The following RUFY3 variants were observed in gnomAD, a reference collection of about 807,000 sequenced individuals.
RUFY3 encodes RUN and FYVE domain containing 3.
In RUFY3, 34 loss-of-function variants were observed where a neutral mutation model predicts 84.0. The observed-to-expected ratio is 0.40, with a 90% confidence interval of 0.31 to 0.54. The LOEUF is 0.54. Ranked by LOEUF, RUFY3 falls within the 20% of genes least tolerant of loss-of-function variation. RUFY3 has a pLI of 0.39. For synonymous variants in RUFY3, 242 were observed against 252.9 expected (o/e 0.96, Z 0.41); for missense variants, 507 against 736.8 (o/e 0.69, Z 3.61).
At chr4:70,787,018 A>G (rs147071303) in intron 10 of RUFY3, among the ~76,000 whole-genome samples, 8 of 151,414 alleles carry the variant, frequency 5.3e-5, no homozygotes, top group Admixed American at 2.0e-4. Context: ...AAAAATTACA[A>G]AATTAACCAT....
chr4:70,724,954 A>C (rs1045696947), intron 1 of RUFY3, among the ~76,000 whole-genome samples: 1 of 152,146 alleles, frequency 6.6e-6, no homozygotes, highest in African/African-American at 2.4e-5. Context: ...ACAAAATGGA[A>C]CTCCTGATGT....
intron 13 of RUFY3, among the ~76,000 whole-genome samples, chr4:70,794,211 C>T (rs751901906): frequency 5.3e-5 from 8 of 152,138 alleles, no homozygotes; most frequent in Admixed American, 2.6e-4. Context: ...ATACTTTAGG[C>T]ACTTCACATG....
intron 14 of RUFY3, among the ~76,000 whole-genome samples, chr4:70,796,660 T>C (rs1578251023): frequency 6.6e-6 from 1 of 152,352 alleles, no homozygotes; most frequent in East Asian, 1.9e-4. Flanking sequence ...CCTCTTCAAT[T>C]AGAGCATGAA....
exon 1 of RUFY3, chr4:70,705,240 C>T (rs1482311425): frequency 5.5e-6 from 8 of 1,459,024 alleles, no homozygotes; most frequent in Non-Finnish European, 2.7e-6. Context: ...GCTGCCCTTC[C>T]TGCTGCTGAG....
intron 17 of RUFY3, among the ~76,000 whole-genome samples, chr4:70,806,210 ACTAAC>A (rs1415057872): frequency 9.9e-5 from 15 of 152,196 alleles, no homozygotes; most frequent in African/African-American, 3.6e-4. Context: ...TAATTTTAAA[ACTAAC>A]CTACCTCAAA....
intron 11 of RUFY3, 73 bp downstream of exon 11, chr4:70,789,046 C>T (rs1730376405): frequency 1.3e-6 from 2 of 1,545,872 alleles, no homozygotes; most frequent in East Asian, 4.6e-5. Flanking sequence ...ATCTGATCCT[C>T]CAGAATCACA....
intron 1 of RUFY3, among the ~76,000 whole-genome samples, chr4:70,716,571 C>T (rs981045506): frequency 6.6e-6 from 1 of 151,974 alleles, no homozygotes; most frequent in South Asian, 2.1e-4. Flanking sequence ...AGGCCAGGTG[C>T]GGTGGCTCAT....
intron 4 of RUFY3, 25 bp from the exon 5 acceptor site, chr4:70,768,513 G>A: frequency 6.2e-7 from 1 of 1,604,022 alleles, no homozygotes; most frequent in Non-Finnish European, 8.5e-7. Flanking sequence ...GTTACAATAA[G>A]GAATTCTGTG....
In RUFY3 at chr4:70,764,530, C is replaced by G; in HGVS notation, c.526C>G (p.Leu176Val). ...WLRLALMQKK[L>V]SEYMKALINK... ...TCGTTTGGCATTAATGCAAAAGAAA[C>G]TTTCAGAATATATGAAAGCTTTGAT... Residue 176 changes from leucine to valine, a missense_variant, in exon 4 of 18, where the codon CTT (leucine) becomes GTT (valine). Leu to Val is a conservative substitution (Grantham distance 32, BLOSUM62 1). Coordinates refer to ENST00000381006, the MANE Select transcript of RUFY3 (RefSeq NM_001037442.4). 6.2e-7 allele frequency: 1 copy of G among 1,613,708 alleles called. No individual in the cohort carries two copies.
intron 17 of RUFY3, among the ~76,000 whole-genome samples, chr4:70,806,279 T>G (rs1196577558): frequency 6.6e-6 from 1 of 152,268 alleles, no homozygotes; most frequent in African/African-American, 2.4e-5. Flanking sequence ...GTGACTTGTA[T>G]GTTACCTGTT....
At chr4:70,730,551 C>T (rs1186848789) in intron 1 of RUFY3, among the ~76,000 whole-genome samples, 2 of 139,388 alleles carry the variant, frequency 1.4e-5, no homozygotes, top group Admixed American at 7.1e-5. Flanking sequence ...CTAGCCTGGC[C>T]AACATGGTGT....
chr4:70,784,352 G>A (rs768311784), intron 9 of RUFY3, among the ~76,000 whole-genome samples: 6 of 152,068 alleles, frequency 3.9e-5, no homozygotes, highest in Non-Finnish European at 5.9e-5. Flanking sequence ...GCGTGGTGGC[G>A]CACGCCTATA....
At position 70,807,626 on chromosome 4, in the gene RUFY3, A is replaced by G. The variant is rs566432762; in HGVS notation, c.*967A>G. Among the ~76,000 whole-genome samples the G allele has an allele frequency of 1.7e-4, 25 of 150,926 alleles. No individual in the cohort carries two copies. In the South Asian group the frequency reaches 3.8e-3, roughly 23 times the overall value. Reference sequence around the variant, plus strand: ...TCCCTGTTCTCCCGGGCCTCAAGCAATCTTCCCACCTTAGCCTCCCAAGTA... The same window carrying G: ...TCCCTGTTCTCCCGGGCCTCAAGCAGTCTTCCCACCTTAGCCTCCCAAGTA... On this transcript the variant is annotated 3_prime_UTR_variant, in exon 18 of 18. Coordinates refer to ENST00000381006, the MANE Select transcript of RUFY3 (RefSeq NM_001037442.4).
intron 14 of RUFY3, among the ~76,000 whole-genome samples, chr4:70,795,646 A>T (rs1297607172): frequency 6.6e-6 from 1 of 152,210 alleles, no homozygotes; most frequent in South Asian, 2.1e-4. Flanking sequence ...AAAGGTAAAG[A>T]TATATAAACT....
In RUFY3 at chr4:70,800,201, C is replaced by T. The variant is rs749737260; in HGVS notation, c.1618C>T (p.His540Tyr). 2 of 1,601,198 alleles carry T rather than the reference C, an allele frequency of 1.2e-6. No individual in the cohort carries two copies. The highest frequency in any genetic ancestry group is 3.5e-5 in the Admixed American group (2 of 57,346). ...VKLKKPLEES[H>Y]RLQPHPMDEQ... ...ACTAAAAAAGCCCCTGGAAGAAAGC[C>T]ACAGGTGTTTGTTAATCAAGTATTA... Residue 540 changes from histidine (H) to tyrosine (Y), a missense_variant, in exon 15 of 18, where the codon CAC becomes TAC. Physicochemically the swap from His to Tyr is moderately conservative, Grantham distance 83 (BLOSUM62 2). Coordinates refer to ENST00000381006, the MANE Select transcript of RUFY3 (RefSeq NM_001037442.4).
chr4:70,758,930 C>T (rs1175990919), intron 1 of RUFY3, among the ~76,000 whole-genome samples: 1 of 151,178 alleles, frequency 6.6e-6, no homozygotes, highest in South Asian at 2.1e-4. Context: ...CCCAGCTACT[C>T]GGGAGGCCGA....
At chr4:70,723,513 TCTTGA>T (rs3836685) in intron 1 of RUFY3, among the ~76,000 whole-genome samples, 4,531 of 152,012 alleles carry the variant, frequency 0.03, 208 homozygotes, top group African/African-American at 0.093. Flanking sequence ...CTTTGTGGTC[TCTTGA>T]CTTGCGACTT....
chr4:70,789,325 TA>T (rs935187704), intron 11 of RUFY3, among the ~76,000 whole-genome samples, 169 bp from the exon 12 acceptor site: 55 of 152,240 alleles, frequency 3.6e-4, no homozygotes, highest in African/African-American at 1.3e-3. Context: ...ACACTGCATA[TA>T]ACAATACTAA....
At chr4:70,732,983 C>T (rs1719549449) in intron 1 of RUFY3, among the ~76,000 whole-genome samples, 2 of 151,736 alleles carry the variant, frequency 1.3e-5, no homozygotes, top group African/African-American at 4.8e-5. Context: ...AGGAGAATCA[C>T]TTGAACTCGG....
Sources: allele counts gnomAD v4.1 joint callset (sites outside exome capture counted in the v4.1 genomes callset), GRCh38; gene constraint gnomAD v4.1.1; transcripts MANE v1.5; gene names NCBI Gene and HGNC (gene_info 2026-07-23, HGNC 2026-07-21).